MKX: variants seen among roughly 807,000 people sequenced by gnomAD.
MKX encodes mohawk homeobox.
In MKX, 13 loss-of-function variants were observed where a neutral mutation model predicts 36.0. That is an observed-to-expected ratio of 0.36 (90% confidence interval 0.24 to 0.57). The LOEUF is 0.57. MKX is among the 20% of genes least tolerant of loss of function. The pLI, the probability that MKX is intolerant of heterozygous loss-of-function variation, is 0.79. For synonymous variants in MKX, 176 were observed against 178.3 expected (o/e 0.99, Z 0.10); for missense variants, 458 against 456.4 (o/e 1.00, Z -0.03).
chr10:27,676,184 G>A (rs1206460517), intron 5 of MKX, among the ~76,000 whole-genome samples: 1 of 151,918 alleles, frequency 6.6e-6, no homozygotes, highest in African/African-American at 2.4e-5. Flanking sequence ...TGAGGTGGGA[G>A]GATTGCTTGA....
intron 5 of MKX, among the ~76,000 whole-genome samples, chr10:27,733,269 G>A (rs73604050): frequency 0.015 from 2,319 of 152,150 alleles, 54 homozygotes; most frequent in African/African-American, 0.052. Flanking sequence ...ATTTGTAAAC[G>A]TTTGAAAATC....
At chr10:27,720,236 A>G (rs1834347811) in intron 5 of MKX, among the ~76,000 whole-genome samples, 1 of 151,972 alleles carries the variant, frequency 6.6e-6, no homozygotes, top group Non-Finnish European at 1.5e-5. Flanking sequence ...AAAATTTCCT[A>G]GCATAGAAAA....
chr10:27,680,596 T>C (rs1369965145), intron 5 of MKX, among the ~76,000 whole-genome samples: 1 of 152,190 alleles, frequency 6.6e-6, no homozygotes, highest in Non-Finnish European at 1.5e-5. Flanking sequence ...ACATTAATTC[T>C]GATATATATT....
Position 27,741,468 on chromosome 10 carries a change from C to A in MKX, c.225G>T (p.Arg75=), listed in dbSNP as rs746717690. 1.2e-6 allele frequency: 2 copies of A among 1,606,038 alleles called. No individual in the cohort carries two copies. The highest frequency in any genetic ancestry group is 1.7e-6 in the Non-Finnish European group (2 of 1,177,168). ...RQNGGKVRHK[R]QALQDMARPL... ...GTCGCGCCATGTCTTGCAGGGCCTG[C>A]CGCTTGTGCCTCACCTTCCCGCCAT... Residue 75 remains arginine, a synonymous_variant, in exon 3 of 7, where the codon CGG becomes CGT. Transcript: ENST00000419761. The surrounding 1 kb of genome is among the most constrained non-coding windows in gnomAD (Gnocchi z 5.1).
intron 5 of MKX, among the ~76,000 whole-genome samples, chr10:27,700,202 A>G (rs1363656905): frequency 6.6e-6 from 1 of 152,220 alleles, no homozygotes; most frequent in African/African-American, 2.4e-5. Context: ...ATTTACTAAC[A>G]AAGTATGGTA....
chr10:27,694,869 A>T (rs956320772), intron 5 of MKX, among the ~76,000 whole-genome samples: 2 of 151,470 alleles, frequency 1.3e-5, no homozygotes, highest in Non-Finnish European at 2.9e-5. Flanking sequence ...TTTCATCATA[A>T]AAGCACAAAC....
At chr10:27,728,472 G>A (rs985791843) in intron 5 of MKX, among the ~76,000 whole-genome samples, 2 of 152,228 alleles carry the variant, frequency 1.3e-5, no homozygotes, top group African/African-American at 2.4e-5. Flanking sequence ...TGGTTTCATG[G>A]ATAGAGTGAC....
chr10:27,738,400 C>T (rs544865472), intron 3 of MKX, among the ~76,000 whole-genome samples: 1 of 152,134 alleles, frequency 6.6e-6, no homozygotes, highest in South Asian at 2.1e-4. Flanking sequence ...CACTTTTAAT[C>T]TACTATGGAT....
At chr10:27,686,415 AAGG>A (rs1375307682) in intron 5 of MKX, among the ~76,000 whole-genome samples, 2 of 145,134 alleles carry the variant, frequency 1.4e-5, no homozygotes, top group Non-Finnish European at 3.0e-5. Flanking sequence ...GGAAGGAAGG[AAGG>A]AAGGAAGGAA....
At chr10:27,702,539 A>G (rs1589668673) in intron 5 of MKX, among the ~76,000 whole-genome samples, 2 of 152,218 alleles carry the variant, frequency 1.3e-5, no homozygotes, top group Non-Finnish European at 1.5e-5. Context: ...AAGGAATACA[A>G]ACATCCTACA....
At position 27,743,386 on chromosome 10, in the gene MKX, G is replaced by T. The variant is rs748480537; in HGVS notation, c.30C>A (p.Ser10Arg). MNTIVFNKL[S>R]GAVLFEDGGA... ...CTCCGTCCTCAAACAGCACCGCACC[G>T]CTGAGCTTGTTGAAGACGATGGTGT... The change falls in exon 2 of 7, where the codon AGC becomes AGA. Residue 10 changes from serine (S) to arginine (R), a missense_variant. This residue lies in a region of MKX where 149 missense variants were observed against 114.3 expected (regional missense o/e 1.30). Transcript: ENST00000419761. 4.5e-6 allele frequency: 7 copies of T among 1,569,016 alleles called. No homozygotes were observed. Among genetic ancestry groups the T allele is most frequent in the African/African-American group, 4.2e-5 (3 of 72,250 alleles).
intron 5 of MKX, chr10:27,718,500 T>C: frequency 2.8e-6 from 1 of 360,136 alleles, no homozygotes; most frequent in Non-Finnish European, 5.6e-6. Flanking sequence ...TAATTTTGCT[T>C]GAAGGAAATA....
chr10:27,721,280 G>T (rs1834371182), intron 5 of MKX, among the ~76,000 whole-genome samples: 1 of 150,578 alleles, frequency 6.6e-6, no homozygotes, highest in South Asian at 2.1e-4. Context: ...AATGGAAGTA[G>T]ACATACCCTG....
chr10:27,716,048 C>A (rs1293409686), intron 5 of MKX, among the ~76,000 whole-genome samples: 1 of 152,118 alleles, frequency 6.6e-6, no homozygotes, highest in Non-Finnish European at 1.5e-5. Context: ...GAATTCGAAT[C>A]ATGGTTCTGC....
chr10:27,717,892 C>T (rs1836994006), intron 5 of MKX, among the ~76,000 whole-genome samples: 2 of 152,138 alleles, frequency 1.3e-5, no homozygotes, highest in Admixed American at 1.3e-4. Flanking sequence ...TGATAAGTGC[C>T]CTGCAAACAA....
intron 5 of MKX, among the ~76,000 whole-genome samples, chr10:27,690,763 G>A (rs547325335): frequency 6.6e-4 from 101 of 152,224 alleles, no homozygotes; most frequent in African/African-American, 2.2e-3. Context: ...CTCCATAAAG[G>A]TACTAAGCCC....
chr10:27,689,425 T>C (rs946512117), intron 5 of MKX, among the ~76,000 whole-genome samples: 1 of 152,204 alleles, frequency 6.6e-6, no homozygotes, highest in African/African-American at 2.4e-5. Flanking sequence ...CATGTCGGTG[T>C]TCTGGGTTCA....
intron 5 of MKX, among the ~76,000 whole-genome samples, chr10:27,690,301 C>T (rs572084508): frequency 1.2e-3 from 179 of 151,906 alleles, no homozygotes; most frequent in African/African-American, 3.9e-3. Context: ...AGCCCGGAGG[C>T]GGAGGTTGCA....
Position 27,735,168 on chromosome 10 carries a change from G to GA in MKX, c.502+52dup, listed in dbSNP as rs1319590305. The GA allele has an allele frequency of 2.7e-6, 4 of 1,461,234 alleles. No homozygotes were observed. The African/African-American group carries it at 5.7e-5, about 21-fold the overall frequency. The allele number at this position is 1,461,234 out of a possible 1,614,324, so 90.5% of individuals were successfully genotyped here. A position where few individuals can be genotyped will look rare whatever the true frequency, so the allele number is the denominator to read the frequency against. On this transcript the variant is annotated intron_variant, in intron 4 of 6. Transcript: ENST00000419761. ...CAACCTTAAAAATAGCAATTATGGT[G>GA]AACTTGCTAATAGAGGCAAAACAAA... is the stretch of plus-strand genomic sequence containing the variant.
Sources: allele counts gnomAD v4.1 joint callset (sites outside exome capture counted in the v4.1 genomes callset), GRCh38; gene constraint gnomAD v4.1.1; regional missense constraint gnomAD v4.1.1; non-coding constraint Gnocchi (gnomAD v3.1); transcripts MANE v1.5; gene names NCBI Gene and HGNC (gene_info 2026-07-23, HGNC 2026-07-21).